Variants in MAGI2 observed in about 807,000 individuals in gnomAD.
MAGI2 encodes the protein membrane-associated guanylate kinase, WW and PDZ domain-containing protein 2.
In MAGI2, 35 loss-of-function variants were observed where a neutral mutation model predicts 133.3. The observed-to-expected ratio is 0.26, with a 90% confidence interval of 0.20 to 0.35. The LOEUF (loss-of-function observed/expected upper bound fraction) is 0.35, where lower values mean the gene tolerates loss of function less well. Ranked by LOEUF, MAGI2 falls within the 10% of genes least tolerant of loss-of-function variation. The pLI is 1.00. For missense variants in MAGI2, 1,636 were observed against 1,863.4 expected, an observed-to-expected ratio of 0.88 and a Z score of 2.25; for synonymous variants, 729 against 710.6, an observed-to-expected ratio of 1.03 and a Z score of -0.41.
chr7:79,321,781 A>G (rs1486047159), intron 1 of MAGI2, among the ~76,000 whole-genome samples: 1 of 152,186 alleles, frequency 6.6e-6, no homozygotes, highest in Non-Finnish European at 1.5e-5. Context: ...GAGAGCTAAC[A>G]TTTCCTGAAT....
At chr7:79,355,598 G>T (rs1585684646) in intron 1 of MAGI2, among the ~76,000 whole-genome samples, 1 of 152,184 alleles carries the variant, frequency 6.6e-6, no homozygotes, top group Non-Finnish European at 1.5e-5. Context: ...TACTTGAAAG[G>T]CAACCCAGAT....
intron 2 of MAGI2, among the ~76,000 whole-genome samples, chr7:78,919,101 T>C (rs187465863): frequency 6.6e-6 from 1 of 152,228 alleles, no homozygotes; most frequent in Non-Finnish European, 1.5e-5. Context: ...CTTGTCAACA[T>C]TGCATAGTGG....
intron 1 of MAGI2, among the ~76,000 whole-genome samples, chr7:79,190,719 T>C (rs1562978120): frequency 6.6e-6 from 1 of 151,848 alleles, no homozygotes; most frequent in Non-Finnish European, 1.5e-5. Flanking sequence ...TGAAGACAAA[T>C]TGTATCAACC....
intron 2 of MAGI2, among the ~76,000 whole-genome samples, chr7:78,871,101 G>A (rs1794994194): frequency 6.6e-6 from 1 of 152,140 alleles, no homozygotes; most frequent in Non-Finnish European, 1.5e-5. Flanking sequence ...ATGAGGTCAG[G>A]AGATCGAGAT....
At chr7:78,650,166 C>G (rs911876238) in intron 2 of MAGI2, among the ~76,000 whole-genome samples, 1 of 152,086 alleles carries the variant, frequency 6.6e-6, no homozygotes, top group Admixed American at 6.5e-5. Context: ...GGAATTTGGT[C>G]AACAACCGCA....
In MAGI2 at chr7:78,159,992, C is replaced by T. The variant is rs760189390; in HGVS notation, c.2845+33G>A. ...ACTGGAACAAATCAAAACAAGACCC[C>T]TTATTCAAATGCAGGCAAATTTCAG... On this transcript the variant is annotated intron_variant, in intron 16 of 21. Coordinates refer to ENST00000354212, the MANE Select transcript of MAGI2 (RefSeq NM_012301.4). 7 of 1,524,976 alleles carry T rather than the reference C, an allele frequency of 4.6e-6. No homozygotes were observed. In the South Asian group the frequency reaches 9.5e-5, roughly 21 times the overall value. The allele number at this position is 1,524,976 out of a possible 1,614,324, so 94.5% of individuals were successfully genotyped here.
intron 1 of MAGI2, among the ~76,000 whole-genome samples, chr7:79,351,031 A>G (rs970682666): frequency 1.3e-5 from 2 of 152,154 alleles, no homozygotes; most frequent in African/African-American, 4.8e-5. Flanking sequence ...GCAGTCCTAC[A>G]TACCTAAAGA....
At chr7:78,338,504 C>T (rs1790011266) in intron 9 of MAGI2, among the ~76,000 whole-genome samples, 1 of 152,136 alleles carries the variant, frequency 6.6e-6, no homozygotes, top group African/African-American at 2.4e-5. Context: ...TACTCATTAA[C>T]ATGTCACTGG....
intron 4 of MAGI2, among the ~76,000 whole-genome samples, chr7:78,512,835 A>G (rs62468564): frequency 0.075 from 11,423 of 152,270 alleles, 578 homozygotes; most frequent in Non-Finnish European, 0.11. Context: ...CAATATGGAA[A>G]ATTATGAAAA....
chr7:78,990,157 T>C (rs767907445), intron 2 of MAGI2, among the ~76,000 whole-genome samples: 6 of 152,064 alleles, frequency 3.9e-5, no homozygotes, highest in Non-Finnish European at 7.4e-5. Context: ...GTGAGATAGA[T>C]GCTATTTTAT....
chr7:78,097,197 G>A (rs147019557), intron 20 of MAGI2, among the ~76,000 whole-genome samples: 1 of 152,142 alleles, frequency 6.6e-6, no homozygotes, highest in African/African-American at 2.4e-5. Context: ...GAAAGGGAAA[G>A]CTTATACACT....
chr7:78,328,861 T>G (rs1788877542), intron 9 of MAGI2, among the ~76,000 whole-genome samples: 1 of 151,700 alleles, frequency 6.6e-6, no homozygotes, highest in Admixed American at 6.6e-5. Context: ...GTAAGAGGAG[T>G]GAAAATATTA....
At chr7:78,706,574 C>T (rs1286093921) in intron 2 of MAGI2, among the ~76,000 whole-genome samples, 2 of 152,052 alleles carry the variant, frequency 1.3e-5, no homozygotes, top group Non-Finnish European at 2.9e-5. Context: ...TGTATCTATA[C>T]TGAATAAATA....
chr7:79,067,328 T>G (rs1235883035), intron 1 of MAGI2, among the ~76,000 whole-genome samples: 1 of 152,192 alleles, frequency 6.6e-6, no homozygotes, highest in Non-Finnish European at 1.5e-5. Flanking sequence ...ACATCCCTTG[T>G]AAGTTGTATT....
chr7:78,455,820 T>C (rs1454392564), intron 6 of MAGI2, among the ~76,000 whole-genome samples: 2 of 152,122 alleles, frequency 1.3e-5, no homozygotes, highest in Admixed American at 6.6e-5. Context: ...TTTTCGTCTT[T>C]TCTTTCAAAG....
chr7:78,831,264 T>A (rs1791126169), intron 2 of MAGI2, among the ~76,000 whole-genome samples: 2 of 152,332 alleles, frequency 1.3e-5, no homozygotes, highest in South Asian at 4.1e-4. Flanking sequence ...AAGAATAGGT[T>A]AGATTTCCAC....
chr7:78,353,719 A>C (rs1562874329), intron 7 of MAGI2, among the ~76,000 whole-genome samples: 1 of 152,168 alleles, frequency 6.6e-6, no homozygotes, highest in Admixed American at 6.5e-5. Flanking sequence ...CATTTTAGGA[A>C]GAGAGTAGTA....
intron 6 of MAGI2, among the ~76,000 whole-genome samples, chr7:78,396,161 G>C (rs974389180): frequency 2.0e-5 from 3 of 152,130 alleles, no homozygotes; most frequent in Admixed American, 6.5e-5. Flanking sequence ...TAAATTTTCA[G>C]ATCACCAGTA....
intron 2 of MAGI2, among the ~76,000 whole-genome samples, chr7:78,804,757 A>AAAAAAAACAAC (rs1788398061): frequency 9.1e-5 from 1 of 10,952 alleles, no homozygotes; most frequent in African/African-American, 1.2e-4. Flanking sequence ...TCAAAAAAAA[A>AAAAAAAACAAC]AAAAAAAAAA....
Sources: allele counts gnomAD v4.1 joint callset (sites outside exome capture counted in the v4.1 genomes callset), GRCh38; gene constraint gnomAD v4.1.1; transcripts MANE v1.5; gene names NCBI Gene and HGNC (gene_info 2026-07-23, HGNC 2026-07-21).